The following TSKU variants were observed in gnomAD, a reference collection of about 807,000 sequenced individuals.
TSKU encodes the protein tsukushi, small leucine rich proteoglycan, also known as tsukushi.
A neutral mutation model predicts 11.2 loss-of-function variants in TSKU; 4 were observed. The observed-to-expected ratio is 0.36, with a 90% CI of 0.18 to 0.82. The LOEUF is 0.82. TSKU is among the 40% of genes least tolerant of loss of function. The pLI is 0.50. For missense variants in TSKU, 407 were observed against 482.5 expected (o/e 0.84, Z 1.47); for synonymous variants, 220 against 232.2 (o/e 0.95, Z 0.48).
At position 76,792,762 on chromosome 11, in the gene TSKU, G is replaced by A. The variant is rs147288846; in HGVS notation, c.-8-2847G>A. 2.0e-3 allele frequency: 308 copies of A among 153,134 alleles called. 3 individuals carry two copies. In the Middle Eastern group the frequency reaches 0.02, roughly 10 times the overall value. 9.5% of individuals were successfully genotyped at this position (153,134 alleles called of 1,614,324 possible). A position where few individuals can be genotyped will look rare whatever the true frequency, so the allele number is the denominator to read the frequency against. On this transcript the variant is annotated intron_variant, in intron 1 of 1. Coordinates refer to ENST00000333090, the MANE Select transcript of TSKU (RefSeq NM_015516.4). ...TGATTGTTAGACCTTCCACAGCCACGTGGAATTGTAAGTCCAATTAAACCT... is the reference window on the plus strand; with the variant it reads ...TGATTGTTAGACCTTCCACAGCCACATGGAATTGTAAGTCCAATTAAACCT...
At chr11:76,789,248 T>C (rs1165917675) in intron 1 of TSKU, among the ~76,000 whole-genome samples, 1 of 152,142 alleles carries the variant, frequency 6.6e-6, no homozygotes, top group Admixed American at 6.5e-5. Flanking sequence ...ACTTTGGCTG[T>C]CAAGGAGGGT....
Position 76,796,456 on chromosome 11 carries a change from C to T in TSKU, c.840C>T (p.Ser280=). Residue 280 remains serine, a synonymous_variant, in exon 2 of 2, where the codon TCC becomes TCT. Coordinates refer to ENST00000333090, the MANE Select transcript of TSKU (RefSeq NM_015516.4). This position sits in a 1 kb window ranked among gnomAD's most constrained non-coding sequence, Gnocchi z 4.1. ...CTGAGGTGTTTTCAGGCCTGAGCTC[C>T]CTGCAGGAGCTGGACCTTTCGGGCA... The part of the protein sequence containing the change: ...AGAEVFSGLS[S]LQELDLSGTN... The T allele has an allele frequency of 6.2e-7, 1 of 1,613,448 alleles. No individual in the cohort carries two copies. The highest frequency in any genetic ancestry group is 8.5e-7 in the Non-Finnish European group (1 of 1,179,946).
intron 1 of TSKU, among the ~76,000 whole-genome samples, chr11:76,788,697 C>G (rs2134390660): frequency 6.6e-6 from 1 of 152,304 alleles, no homozygotes; most frequent in South Asian, 2.1e-4. Context: ...AAGACTTACC[C>G]AAGGCTGGTA....
chr11:76,796,928 G>A lies in TSKU; in HGVS notation c.*250G>A, dbSNP rs1038765108. 1.2e-4 allele frequency: 43 copies of A among 365,460 alleles called. No homozygotes were observed. Among genetic ancestry groups the A allele is most frequent in the African/African-American group, 7.5e-4 (36 of 47,782 alleles). 22.6% of individuals were successfully genotyped at this position (365,460 alleles called of 1,614,324 possible). A position where few individuals can be genotyped will look rare whatever the true frequency, so the allele number is the denominator to read the frequency against. ...GGGACTTCGATGCCAAACCAGACTC[G>A]GGTCCCCTCCTGCTTCCCTTCCCCA... is the stretch of plus-strand genomic sequence containing the variant. On this transcript the variant is annotated 3_prime_UTR_variant, in exon 2 of 2. Coordinates refer to ENST00000333090, the MANE Select transcript of TSKU (RefSeq NM_015516.4). This position sits in a 1 kb window ranked among gnomAD's most constrained non-coding sequence, Gnocchi z 4.1.
Position 76,795,950 on chromosome 11 carries a change from T to C in TSKU, c.334T>C (p.Ser112Pro). Residue 112 changes from serine (S) to proline (P), a missense_variant, in exon 2 of 2, where the codon TCG becomes CCG. Physicochemically the swap from Ser to Pro is moderately conservative, Grantham distance 74. Coordinates refer to ENST00000333090, the MANE Select transcript of TSKU (RefSeq NM_015516.4). Reference protein sequence around the residue: ...TAFSRLRYLESLDLSHNGLTA... With the variant: ...TAFSRLRYLEPLDLSHNGLTA... ...CTTCTCCCGCCTTCGCTACCTGGAG[T>C]CGCTTGACCTCAGCCACAATGGCCT... The C allele has an allele frequency of 6.2e-7, 1 of 1,613,106 alleles. No individual in the cohort carries two copies. Among genetic ancestry groups the C allele is most frequent in the Non-Finnish European group, 8.5e-7 (1 of 1,179,820 alleles).
chr11:76,786,827 G>C (rs923800330), intron 1 of TSKU, among the ~76,000 whole-genome samples: 7 of 152,204 alleles, frequency 4.6e-5, no homozygotes, highest in African/African-American at 1.7e-4. Flanking sequence ...TCTCCTGGGA[G>C]TGCCTTGTCA....
At chr11:76,794,335 G>A (rs922781400) in intron 1 of TSKU, among the ~76,000 whole-genome samples, 5 of 152,208 alleles carry the variant, frequency 3.3e-5, no homozygotes, top group African/African-American at 1.2e-4. Flanking sequence ...GTAGCACCTG[G>A]CATCTGTAGC....
intron 1 of TSKU, among the ~76,000 whole-genome samples, chr11:76,789,325 C>A (rs1944342176): frequency 6.6e-6 from 1 of 152,192 alleles, no homozygotes; most frequent in Non-Finnish European, 1.5e-5. Context: ...CTTACAGGTG[C>A]CTCGTGCATG....
chr11:76,788,217 C>T (rs1253182935), intron 1 of TSKU, among the ~76,000 whole-genome samples: 1 of 151,754 alleles, frequency 6.6e-6, no homozygotes, highest in African/African-American at 2.4e-5. Context: ...CTGATCGAGA[C>T]AAAGGCCGGT....
chr11:76,795,273 C>A (rs1412213810), intron 1 of TSKU, among the ~76,000 whole-genome samples: 2 of 152,246 alleles, frequency 1.3e-5, no homozygotes, highest in Admixed American at 6.5e-5. Flanking sequence ...TTTCCTAACA[C>A]CCTAGGCAGG....
At position 76,788,561 on chromosome 11, in the gene TSKU, T is replaced by C. The variant is rs555060150; in HGVS notation, c.-9+5157T>C. Among the ~76,000 whole-genome samples, 8 of 152,256 alleles carry C rather than the reference T, an allele frequency of 5.3e-5. No individual in the cohort carries two copies. The South Asian group carries it at 1.7e-3, about 32-fold the overall frequency. ...CTTCAGAAGGCTTAGCAAATCACCG[T>C]CATTGTCTACCACACATTGAGTATT... On this transcript the variant is annotated intron_variant, in intron 1 of 1. Transcript: ENST00000333090.
chr11:76,784,750 G>GT (rs1186462850), intron 1 of TSKU, among the ~76,000 whole-genome samples: 1 of 139,006 alleles, frequency 7.2e-6, no homozygotes, highest in Non-Finnish European at 1.5e-5. Context: ...CGGAGGTGGG[G>GT]GGGGGGGGGT....
chr11:76,788,787 G>T (rs541088937), intron 1 of TSKU, among the ~76,000 whole-genome samples: 7 of 152,320 alleles, frequency 4.6e-5, no homozygotes, highest in African/African-American at 1.4e-4. Flanking sequence ...CACCCTCTAG[G>T]CCTGGCTCTG....
At chr11:76,791,369 G>A (rs1196649800) in intron 1 of TSKU, among the ~76,000 whole-genome samples, 1 of 152,240 alleles carries the variant, frequency 6.6e-6, no homozygotes, top group Non-Finnish European at 1.5e-5. Context: ...TAACTCCCAA[G>A]ACAATGGGGA....
rs148661218 is a variant in TSKU at position 76,796,100 on chromosome 11, G to T, written c.484G>T (p.Val162Leu). The T allele has an allele frequency of 2.6e-3, 4,165 of 1,613,962 alleles. 17 individuals are homozygous for T. Among genetic ancestry groups the T allele is most frequent in the Non-Finnish European group, 3.1e-3 (3,664 of 1,180,006 alleles). ...GCACAGTCAGGGCCGGGCACTACAC[G>T]TGGACCTCTCCCACAACCTCATTCA... Reference protein sequence around the residue: ...TTHSQGRALHVDLSHNLIHRL... With the variant: ...TTHSQGRALHLDLSHNLIHRL... The change falls in exon 2 of 2, where the codon GTG (valine) becomes TTG (leucine). Residue 162 changes from valine (V) to leucine (L), a missense_variant. Coordinates refer to ENST00000333090, the MANE Select transcript of TSKU (RefSeq NM_015516.4). The surrounding 1 kb of genome is among the most constrained non-coding windows in gnomAD (Gnocchi z 4.1).
chr11:76,790,439 C>T (rs1156548485), intron 1 of TSKU, among the ~76,000 whole-genome samples: 8 of 152,182 alleles, frequency 5.3e-5, no homozygotes, highest in Non-Finnish European at 7.3e-5. Context: ...TTCACACGAA[C>T]GATCTCTAGC....
rs538980356 is a variant in TSKU at position 76,796,088 on chromosome 11, C to T, written c.472C>T (p.Arg158Trp). 81 of 1,614,058 alleles carry T rather than the reference C, an allele frequency of 5.0e-5. No individual in the cohort carries two copies. The highest frequency in any genetic ancestry group is 4.0e-4 in the South Asian group (36 of 91,074). ...TGCCTTCACGACGCACAGTCAGGGC[C>T]GGGCACTACACGTGGACCTCTCCCA... ...VSAFTTHSQG[R>W]ALHVDLSHNL... Residue 158 changes from arginine to tryptophan, a missense_variant, in exon 2 of 2, where the codon CGG becomes TGG. Transcript: ENST00000333090. The surrounding 1 kb of genome is among the most constrained non-coding windows in gnomAD (Gnocchi z 4.1).
Position 76,796,493 on chromosome 11 carries a change from C to T in TSKU, c.877C>T (p.Pro293Ser). Residue 293 changes from proline to serine, a missense_variant, in exon 2 of 2, where the codon CCC becomes TCC. Coordinates refer to ENST00000333090, the MANE Select transcript of TSKU (RefSeq NM_015516.4). The surrounding 1 kb of genome is among the most constrained non-coding windows in gnomAD (Gnocchi z 4.1). ...ELDLSGTNLV[P>S]LPEALLLHLP... ...GGACCTTTCGGGCACCAACCTGGTG[C>T]CCCTGCCTGAGGCGCTGCTCCTCCA... 6.2e-7 allele frequency: 1 copy of T among 1,612,762 alleles called. No homozygotes were observed. Among genetic ancestry groups the T allele is most frequent in the South Asian group, 1.1e-5 (1 of 91,064 alleles).
intron 1 of TSKU, among the ~76,000 whole-genome samples, chr11:76,791,442 G>A (rs772464579): frequency 1.3e-5 from 2 of 151,508 alleles, no homozygotes; most frequent in African/African-American, 4.9e-5. Flanking sequence ...GCCTGGAGGC[G>A]TAGGAGGAAA....
Sources: gnomAD v4.1 joint callset for allele counts (sites outside exome capture counted in the v4.1 genomes callset) on GRCh38, gnomAD v4.1.1 for gene constraint, Gnocchi (gnomAD v3.1) non-coding constraint, MANE v1.5 for transcripts, NCBI Gene and HGNC (gene_info 2026-07-23, HGNC 2026-07-21) for gene names.